Variants in SNX6 observed in about 807,000 individuals in gnomAD.
SNX6 encodes sorting nexin 6.
A neutral mutation model predicts 63.0 loss-of-function variants in SNX6; 34 were observed. That is an observed-to-expected ratio of 0.54 (90% CI 0.41 to 0.72). The LOEUF is 0.72. Ranked by LOEUF, SNX6 falls within the 30% of genes least tolerant of loss-of-function variation. The pLI, the probability that SNX6 is intolerant of heterozygous loss-of-function variation, is 0.00. For missense variants in SNX6, 398 were observed against 471.4 expected (o/e 0.84, Z 1.44); for synonymous variants, 170 against 164.2 (o/e 1.04, Z -0.27).
At chr14:34,577,823 T>C (rs1441614062) in intron 10 of SNX6, among the ~76,000 whole-genome samples, 1 of 152,160 alleles carries the variant, frequency 6.6e-6, no homozygotes, top group Non-Finnish European at 1.5e-5. Context: ...AAAATAATTC[T>C]TATACTAAAA....
chr14:34,578,449 T>C (rs574522326), intron 10 of SNX6, among the ~76,000 whole-genome samples: 1 of 151,092 alleles, frequency 6.6e-6, no homozygotes, highest in Non-Finnish European at 1.5e-5. Context: ...CTGGCCAACA[T>C]GGTGAAACCC....
chr14:34,569,199 A>G (rs1594692656), intron 11 of SNX6: 1 of 696,398 alleles, frequency 1.4e-6, no homozygotes, highest in East Asian at 2.5e-5. Flanking sequence ...TAACAGCTTG[A>G]TAGTCCATGT....
chr14:34,615,022 T>C (rs1220331612), intron 2 of SNX6, among the ~76,000 whole-genome samples: 2 of 150,534 alleles, frequency 1.3e-5, no homozygotes, highest in African/African-American at 5.0e-5. Flanking sequence ...AAGATGTTAT[T>C]TATTCTTCCA....
At chr14:34,584,255 G>C (rs1882059387) in intron 9 of SNX6, among the ~76,000 whole-genome samples, 1 of 152,154 alleles carries the variant, frequency 6.6e-6, no homozygotes, top group South Asian at 2.1e-4. Context: ...ATGTGGTTTA[G>C]AGAAAGGCAT....
chr14:34,564,086 G>A (rs28515732), intron 13 of SNX6, among the ~76,000 whole-genome samples: 57,208 of 151,934 alleles, frequency 0.38, 12,573 homozygotes, highest in East Asian at 0.74. Context: ...AAAGTGCAGT[G>A]GCATGATCTT....
chr14:34,616,273 T>C (rs1464513603), intron 2 of SNX6, among the ~76,000 whole-genome samples: 6 of 152,124 alleles, frequency 3.9e-5, no homozygotes. Flanking sequence ...TTTCAATTGA[T>C]GACAAATTAC....
At chr14:34,585,043 G>C (rs1383506388) in intron 9 of SNX6, among the ~76,000 whole-genome samples, 1 of 151,868 alleles carries the variant, frequency 6.6e-6, no homozygotes, top group Non-Finnish European at 1.5e-5. Flanking sequence ...GTGGAGACAG[G>C]GTTTCTCCAT....
chr14:34,629,982 G>A, intron 1 of SNX6, 28 bp from the exon 2 acceptor site: 1 of 1,529,136 alleles, frequency 6.5e-7, no homozygotes, highest in Non-Finnish European at 8.8e-7. Context: ...ACGGCGCGCC[G>A]GGGAAAAGGA....
At chr14:34,570,868 C>T (rs1188046572) in intron 11 of SNX6, among the ~76,000 whole-genome samples, 1 of 151,320 alleles carries the variant, frequency 6.6e-6, no homozygotes, top group African/African-American at 2.4e-5. Flanking sequence ...GGACTACAGG[C>T]GCCCACCACC....
At chr14:34,612,873 A>G (rs1883283750) in intron 2 of SNX6, among the ~76,000 whole-genome samples, 1 of 151,892 alleles carries the variant, frequency 6.6e-6, no homozygotes, top group African/African-American at 2.4e-5. Flanking sequence ...AATGTGGAGA[A>G]GCCCTGTCTC....
intron 6 of SNX6, among the ~76,000 whole-genome samples, chr14:34,599,985 TC>T (rs1882745437): frequency 2.0e-5 from 3 of 152,080 alleles, no homozygotes; most frequent in African/African-American, 4.8e-5. Flanking sequence ...CCACTCCTAC[TC>T]TCCAGTAAAA....
At chr14:34,582,048 T>C (rs889209792) in intron 9 of SNX6, among the ~76,000 whole-genome samples, 1 of 151,904 alleles carries the variant, frequency 6.6e-6, no homozygotes, top group African/African-American at 2.4e-5. Flanking sequence ...AGGATGGTCT[T>C]GATCTCTTGA....
rs1367574924 is a variant in SNX6 at position 34,563,177 on chromosome 14, T to TA, written c.1168-3dup. Reference sequence around the variant, plus strand: ...GTTCTGCAGCAACTGTAGATTACCCTAAAAAAGGAAGAAAAAATAAATTAC... The same window carrying TA: ...GTTCTGCAGCAACTGTAGATTACCCTAAAAAAAGGAAGAAAAAATAAATTAC... On this transcript the variant is annotated splice_polypyrimidine_tract_variant and splice_region_variant and intron_variant, in intron 13 of 13. Transcript: ENST00000362031. 1 of 1,612,142 alleles carries TA rather than the reference T, an allele frequency of 6.2e-7. No homozygotes were observed. Among genetic ancestry groups the TA allele is most frequent in the Admixed American group, 1.7e-5 (1 of 59,830 alleles).
At chr14:34,572,022 A>G (rs1026248397) in intron 11 of SNX6, among the ~76,000 whole-genome samples, 1 of 152,046 alleles carries the variant, frequency 6.6e-6, no homozygotes, top group Non-Finnish European at 1.5e-5. Flanking sequence ...CCTAGAAGTG[A>G]ACTGACTGGA....
rs139853045 is a variant in SNX6, at chr14:34,619,071, G to A, written c.55-9329C>T. On this transcript the variant is annotated intron_variant, in intron 2 of 13. Transcript: ENST00000362031. ...AAAGAAAGGTGGTAACCACAACTGG[G>A]CTACAAAACTATTTTCAGGTAATTA... is the stretch of plus-strand genomic sequence containing the variant. Among the ~76,000 whole-genome samples the A allele has an allele frequency of 4.7e-3, 718 of 152,206 alleles. 8 individuals carry two copies. Among genetic ancestry groups the A allele is most frequent in the African/African-American group, 0.016 (683 of 41,512 alleles).
At chr14:34,567,455 T>C (rs1175135853) in intron 13 of SNX6, among the ~76,000 whole-genome samples, 1 of 152,080 alleles carries the variant, frequency 6.6e-6, no homozygotes, top group Non-Finnish European at 1.5e-5. Context: ...GCCACTGCAC[T>C]CCAGCCTGGG....
At chr14:34,623,405 A>G (rs1483538206) in intron 2 of SNX6, among the ~76,000 whole-genome samples, 3 of 152,162 alleles carry the variant, frequency 2.0e-5, no homozygotes, top group Non-Finnish European at 4.4e-5. Context: ...TTATGAACAG[A>G]GTTGAATGTT....
At position 34,597,564 on chromosome 14, in the gene SNX6, C is replaced by G; in HGVS notation, c.598G>C (p.Val200Leu). ...TAAAATCTTACCTTTACTCCTGAAA[C>G]GATTACTCCATCTGCTGATTTAACC... ...NMVKSADGVI[V>L]SGVKDVDDFF... Residue 200 changes from valine (V) to leucine (L), a missense_variant, in exon 7 of 14, where the codon GTT (valine) becomes CTT (leucine). Transcript: ENST00000362031. 1 of 1,595,964 alleles carries G rather than the reference C, an allele frequency of 6.3e-7. No homozygotes were observed. Among genetic ancestry groups the G allele is most frequent in the Non-Finnish European group, 8.6e-7 (1 of 1,166,938 alleles).
At chr14:34,599,455 A>T (rs553498280) in intron 6 of SNX6, among the ~76,000 whole-genome samples, 1 of 152,154 alleles carries the variant, frequency 6.6e-6, no homozygotes, top group Non-Finnish European at 1.5e-5. Context: ...AAAAATACTA[A>T]AACTAGCTGG....
Sources: gnomAD v4.1 joint callset for allele counts (sites outside exome capture counted in the v4.1 genomes callset) on GRCh38, gnomAD v4.1.1 for gene constraint, MANE v1.5 for transcripts, NCBI Gene and HGNC (gene_info 2026-07-23, HGNC 2026-07-21) for gene names.